The following CFAP91 variants were observed in gnomAD, a reference collection of about 807,000 sequenced individuals.
CFAP91 encodes the protein cilia- and flagella-associated protein 91.
Under a neutral mutation model 95.9 loss-of-function variants are expected in CFAP91, and 85 were observed. That is an observed-to-expected ratio of 0.89 (90% CI 0.74 to 1.06). The LOEUF (loss-of-function observed/expected upper bound fraction) is 1.06. Among genes scored for constraint, CFAP91 ranks in the 50% least tolerant of loss-of-function variants. The pLI is 0.00. For synonymous variants in CFAP91, 335 were observed against 327.5 expected (o/e 1.02, Z -0.25); for missense variants, 962 against 943.4 (o/e 1.02, Z -0.26).
intron 7 of CFAP91, among the ~76,000 whole-genome samples, chr3:119,729,061 G>T (rs1261317618): frequency 6.6e-6 from 1 of 152,152 alleles, no homozygotes; most frequent in African/African-American, 2.4e-5. Flanking sequence ...TTTCTAAGCA[G>T]GAGTAAAATG....
Position 119,737,494 on chromosome 3 carries a change from A to ACTT in CFAP91, c.1461+13_1461+15dup, listed in dbSNP as rs1455200010. On this transcript the variant is annotated intron_variant, in intron 11 of 17. Coordinates refer to ENST00000273390, the MANE Select transcript of CFAP91 (RefSeq NM_033364.4). ...AAATGACGTCCAATGTAAGTTGGAA[A>ACTT]CTTTTTAGTTGAAATGCTAAATTCA... 6.8e-7 allele frequency: 1 copy of ACTT among 1,467,824 alleles called. No homozygotes were observed. The highest frequency in any genetic ancestry group is 9.4e-7 in the Non-Finnish European group (1 of 1,058,696). 90.9% of individuals were successfully genotyped at this position (1,467,824 alleles called of 1,614,324 possible).
intron 17 of CFAP91, 136 bp downstream of exon 17, chr3:119,751,234 A>C (rs955244224): frequency 1.0e-6 from 1 of 952,894 alleles, no homozygotes; most frequent in African/African-American, 1.7e-5. Context: ...TTAAATTGGC[A>C]CATTTCCTCT....
At chr3:119,739,166 G>A (rs1577229788) in intron 11 of CFAP91, 89 bp from the exon 12 acceptor site, 2 of 1,084,660 alleles carry the variant, frequency 1.8e-6, no homozygotes, top group East Asian at 2.4e-5. Flanking sequence ...AGCACAGTCT[G>A]TTTTGCTTGA....
chr3:119,746,276 A>G (rs1313237845), intron 14 of CFAP91, among the ~76,000 whole-genome samples: 1 of 152,148 alleles, frequency 6.6e-6, no homozygotes, highest in African/African-American at 2.4e-5. Context: ...ACCCTAATTC[A>G]TTACACTGTA....
chr3:119,726,454 C>T (rs2107879549), intron 7 of CFAP91, 106 bp downstream of exon 7: 1 of 1,100,836 alleles, frequency 9.1e-7, no homozygotes. Context: ...AAAAGCAATC[C>T]TCAACCTATA....
At chr3:119,705,086 T>TGTCAGA in intron 1 of CFAP91, among the ~76,000 whole-genome samples, 1 of 152,374 alleles carries the variant, frequency 6.6e-6, no homozygotes, top group Admixed American at 6.5e-5. Context: ...ATCTCTATGC[T>TGTCAGA]TGCTTCCTTC....
rs1030028621 is a variant in CFAP91, at chr3:119,763,310, A to T, written c.*2-1742A>T. On this transcript the variant is annotated intron_variant, in intron 17 of 17. Transcript: ENST00000273390. ...TGTTAGAATGGCTATTATCAAAAAG[A>T]CAAAAAGTAAGTGTTGAGGAGGATG... 3.4e-4 allele frequency among the ~76,000 whole-genome samples: 51 copies of T among 152,028 alleles called. 2 individuals are homozygous for T. Among genetic ancestry groups the T allele is most frequent in the Admixed American group, 3.2e-3 (49 of 15,252 alleles).
intron 7 of CFAP91, among the ~76,000 whole-genome samples, chr3:119,729,944 C>T (rs77670887): frequency 0.024 from 3,617 of 152,288 alleles, 71 homozygotes; most frequent in African/African-American, 0.059. Context: ...TTTAGGCCCA[C>T]CTGCCTAGAG....
At chr3:119,712,786 CT>C (rs976658064) in intron 5 of CFAP91, among the ~76,000 whole-genome samples, 2 of 151,664 alleles carry the variant, frequency 1.3e-5, no homozygotes, top group Non-Finnish European at 2.9e-5. Context: ...GAGACTCTGA[CT>C]CTACTAAAAA....
chr3:119,708,771 G>C, intron 4 of CFAP91, 97 bp downstream of exon 4: 1 of 715,174 alleles, frequency 1.4e-6, no homozygotes, highest in Non-Finnish European at 2.4e-6. Context: ...TGCATACAAC[G>C]TGCCAGACTC....
At chr3:119,709,796 A>G (rs1334192782) in intron 4 of CFAP91, 43 bp from the exon 5 acceptor site, 2 of 1,442,832 alleles carry the variant, frequency 1.4e-6, no homozygotes, top group Non-Finnish European at 2.0e-6. Flanking sequence ...GAGTGCATTC[A>G]TTGCAAAAGT....
intron 6 of CFAP91, among the ~76,000 whole-genome samples, chr3:119,723,890 T>C (rs2053730735): frequency 6.6e-6 from 1 of 152,142 alleles, no homozygotes; most frequent in Non-Finnish European, 1.5e-5. Flanking sequence ...CCAGGCATGA[T>C]GGCTTATGCC....
chr3:119,750,629 T>TACC (rs1173043755), intron 16 of CFAP91: 8 of 369,954 alleles, frequency 2.2e-5, no homozygotes, highest in Non-Finnish European at 3.0e-5. Context: ...CGGTAAGTGG[T>TACC]AAATCTGGGC....
chr3:119,720,729 G>A (rs1189752055), intron 6 of CFAP91, among the ~76,000 whole-genome samples: 1 of 152,128 alleles, frequency 6.6e-6, no homozygotes, highest in African/African-American at 2.4e-5. Flanking sequence ...CTTAGTATTG[G>A]TAGCACATTG....
intron 12 of CFAP91, 148 bp downstream of exon 12, chr3:119,739,474 TG>T (rs2054075792): frequency 1.5e-6 from 1 of 662,840 alleles, no homozygotes; most frequent in Non-Finnish European, 2.6e-6. Flanking sequence ...CATTTCCTTC[TG>T]GTGACCCATT....
intron 10 of CFAP91, among the ~76,000 whole-genome samples, chr3:119,733,816 G>A (rs2053948404): frequency 1.3e-5 from 2 of 152,118 alleles, no homozygotes; most frequent in African/African-American, 4.8e-5. Context: ...TATTGTTGGT[G>A]TTAATAGCTA....
chr3:119,708,862 C>T (rs2053424538), intron 4 of CFAP91, among the ~76,000 whole-genome samples, 188 bp downstream of exon 4: 1 of 152,064 alleles, frequency 6.6e-6, no homozygotes, highest in South Asian at 2.1e-4. Flanking sequence ...CCTGTTTTAC[C>T]AGTAATGAAG....
At chr3:119,706,408 C>T (rs1407501914) in intron 1 of CFAP91, 1 of 157,098 alleles carries the variant, frequency 6.4e-6, no homozygotes, top group Non-Finnish European at 1.4e-5. Flanking sequence ...AAATGTATTG[C>T]TTCTTTCACT....
intron 14 of CFAP91, among the ~76,000 whole-genome samples, 155 bp downstream of exon 14, chr3:119,744,351 G>T (rs79974302): frequency 6.6e-6 from 1 of 152,278 alleles, no homozygotes; most frequent in Admixed American, 6.5e-5. Context: ...GGAAACTTTG[G>T]AGGAAAAAAC....
Sources: gnomAD v4.1 joint callset for allele counts (sites outside exome capture counted in the v4.1 genomes callset) on GRCh38, gnomAD v4.1.1 for gene constraint, MANE v1.5 for transcripts, NCBI Gene and HGNC (gene_info 2026-07-23, HGNC 2026-07-21) for gene names.